FKTN: variants seen among roughly 807,000 people sequenced by gnomAD.
FKTN encodes the protein ribitol-5-phosphate transferase FKTN.
In FKTN, 47 loss-of-function variants were observed where a neutral mutation model predicts 58.6. That is an observed-to-expected ratio of 0.80 (90% CI 0.63 to 1.02). FKTN has a LOEUF of 1.02. Ranked by LOEUF, FKTN falls within the 50% of genes least tolerant of loss-of-function variation. The pLI is 0.00. For synonymous variants in FKTN, 178 were observed against 191.9 expected (o/e 0.93, Z 0.60); for missense variants, 516 against 537.3 (o/e 0.96, Z 0.39).
At chr9:105,558,475 G>A (rs1041862940) in intron 1 of FKTN, among the ~76,000 whole-genome samples, 3 of 152,100 alleles carry the variant, frequency 2.0e-5, no homozygotes, top group African/African-American at 7.2e-5. Context: ...GTAGTAGCCG[G>A]GTTAGGGTAG....
At chr9:105,601,408 A>G (rs1827853245) in intron 5 of FKTN, 60 bp downstream of exon 5, 1 of 1,203,466 alleles carries the variant, frequency 8.3e-7, no homozygotes, top group South Asian at 1.3e-5. Context: ...GTATAGGTTT[A>G]GGCTAGTTTA....
chr9:105,635,112 C>T lies in FKTN; in HGVS notation c.1234C>T (p.Pro412Ser). Residue 412 changes from proline to serine, a missense_variant, in exon 11 of 11, where the codon CCC becomes TCC. Coordinates refer to ENST00000357998, the MANE Select transcript of FKTN (RefSeq NM_001079802.2). ...TEFVDMKVHVPCETLEYIEAN... is the reference protein window; with the variant it reads ...TEFVDMKVHVSCETLEYIEAN... ...GTTTGTAGACATGAAGGTCCATGTA[C>T]CCTGTGAAACCCTCGAATACATTGA... is the stretch of plus-strand genomic sequence containing the variant. 2 of 1,614,018 alleles carry T rather than the reference C, an allele frequency of 1.2e-6. No homozygotes were observed. The highest frequency in any genetic ancestry group is 1.6e-4 in the Middle Eastern group (1 of 6,062).
At chr9:105,623,279 C>T (rs1289566196) in intron 10 of FKTN, 2 of 152,036 alleles carry the variant, frequency 1.3e-5, no homozygotes, top group Non-Finnish European at 2.9e-5. Flanking sequence ...ATATGCCAAG[C>T]TTTTATATGT....
At chr9:105,609,010 C>A (rs1829416903) in intron 7 of FKTN, among the ~76,000 whole-genome samples, 1 of 152,180 alleles carries the variant, frequency 6.6e-6, no homozygotes, top group African/African-American at 2.4e-5. Context: ...TCTATTATAG[C>A]AATTATCACA....
intron 3 of FKTN, among the ~76,000 whole-genome samples, chr9:105,590,957 A>T (rs890756949): frequency 2.6e-5 from 4 of 152,094 alleles, no homozygotes; most frequent in Admixed American, 2.0e-4. Context: ...GCAGGAGGAA[A>T]AGAGAGAGTG....
At chr9:105,598,740 G>A (rs1324943735) in intron 4 of FKTN, 1 of 151,994 alleles carries the variant, frequency 6.6e-6, no homozygotes, top group African/African-American at 2.4e-5. Context: ...GACCTAATCT[G>A]TATTTATATT....
chr9:105,570,189 A>C (rs1242495409), intron 1 of FKTN, among the ~76,000 whole-genome samples: 1 of 152,096 alleles, frequency 6.6e-6, no homozygotes, highest in Non-Finnish European at 1.5e-5. Context: ...AAGTTCCTGC[A>C]GAACAGAAAA....
chr9:105,601,119 A>G, intron 4 of FKTN, 26 bp from the exon 5 acceptor site: 2 of 1,319,364 alleles, frequency 1.5e-6, no homozygotes, highest in Non-Finnish European at 2.2e-6. Context: ...TACTGGAATT[A>G]CGAGAATTCT....
chr9:105,558,188 CG>C (rs1342234671), intron 1 of FKTN, 23 bp downstream of exon 1: 3 of 152,190 alleles, frequency 2.0e-5, no homozygotes, highest in Admixed American at 2.0e-4. Flanking sequence ...AGGCTCAGGT[CG>C]GTACCCGGGG....
chr9:105,579,136 T>G (rs1395981127), intron 3 of FKTN, among the ~76,000 whole-genome samples: 2 of 152,184 alleles, frequency 1.3e-5, no homozygotes, highest in African/African-American at 4.8e-5. Context: ...TCATTGATTT[T>G]TTGAATGGTT....
rs1177527892 is a variant in FKTN, at chr9:105,607,801, C to A, written c.648-18C>A. 3 of 1,594,162 alleles carry A rather than the reference C, an allele frequency of 1.9e-6. No homozygotes were observed. The highest frequency in any genetic ancestry group is 2.6e-6 in the Non-Finnish European group (3 of 1,163,406). On this transcript the variant is annotated intron_variant, in intron 6 of 10. Coordinates refer to ENST00000357998, the MANE Select transcript of FKTN (RefSeq NM_001079802.2). ...TTTCCCCCACCCCTCATTAATAAATCTTAACTTTTGTTTTCAGGCCAGAGT... is the reference window on the plus strand; with the variant it reads ...TTTCCCCCACCCCTCATTAATAAATATTAACTTTTGTTTTCAGGCCAGAGT...
chr9:105,615,449 G>C, intron 8 of FKTN, 42 bp downstream of exon 8: 1 of 1,605,466 alleles, frequency 6.2e-7, no homozygotes, highest in Non-Finnish European at 8.5e-7. Context: ...CTGTCATTTT[G>C]TCCTCTGGCT....
rs1564292771 is a variant in FKTN, at chr9:105,604,459, TAC to T, written c.616_617del (p.Gln206ValfsTer9). 1 of 1,614,168 alleles carries T rather than the reference TAC, an allele frequency of 6.2e-7. No individual in the cohort carries two copies. On this transcript the variant is annotated frameshift_variant, in exon 6 of 11. Transcript: ENST00000357998. LOFTEE classifies it high-confidence loss of function. Reference sequence around the variant, plus strand: ...AGGAAATTTGTTCCCTTCCGAAAGTTACAGTTTGGTCGTTATCCAGGAGCTTT... The same window carrying T: ...AGGAAATTTGTTCCCTTCCGAAAGTTAGTTTGGTCGTTATCCAGGAGCTTT...
At chr9:105,569,454 CAT>C (rs1376044729) in intron 1 of FKTN, among the ~76,000 whole-genome samples, 21 of 152,172 alleles carry the variant, frequency 1.4e-4, no homozygotes, top group Middle Eastern at 6.8e-3. Flanking sequence ...CATCTTGACA[CAT>C]AGTAAATTTG....
intron 7 of FKTN, among the ~76,000 whole-genome samples, chr9:105,610,895 A>G (rs568526666): frequency 7.9e-5 from 12 of 152,070 alleles, no homozygotes; most frequent in African/African-American, 2.4e-4. Flanking sequence ...TCAATCTACC[A>G]TGAAGTTCAA....
At chr9:105,577,649 C>T (rs1421281703) in intron 3 of FKTN, among the ~76,000 whole-genome samples, 22 of 150,536 alleles carry the variant, frequency 1.5e-4, no homozygotes, top group East Asian at 1.2e-3. Flanking sequence ...CTTGGCGATG[C>T]GGGCTCTTTT....
At chr9:105,583,536 G>A (rs2132281056) in intron 3 of FKTN, among the ~76,000 whole-genome samples, 1 of 152,152 alleles carries the variant, frequency 6.6e-6, no homozygotes, top group South Asian at 2.1e-4. Context: ...CTTCTTATTT[G>A]TGTCTTTCAT....
At chr9:105,570,695 T>A (rs1423271004) in intron 1 of FKTN, among the ~76,000 whole-genome samples, 1 of 149,992 alleles carries the variant, frequency 6.7e-6, no homozygotes, top group Non-Finnish European at 1.5e-5. Context: ...GTGCTTAGCA[T>A]TTTTTTTTGG....
Position 105,636,205 on chromosome 9 carries a change from TA to T in FKTN, c.*943del. On this transcript the variant is annotated 3_prime_UTR_variant, in exon 11 of 11. Coordinates refer to ENST00000357998, the MANE Select transcript of FKTN (RefSeq NM_001079802.2). The stretch of plus-strand genomic sequence containing the variant: ...CCCAATTTTAATGACACTAAAATAT[TA>T]ATAGAATTTTTTAAATATACTCTAA... 1.1e-6 allele frequency: 1 copy of T among 870,356 alleles called. No individual in the cohort carries two copies. The highest frequency in any genetic ancestry group is 1.4e-6 in the Non-Finnish European group (1 of 725,196). 53.9% of individuals were successfully genotyped at this position (870,356 alleles called of 1,614,324 possible). A position where few individuals can be genotyped will look rare whatever the true frequency, so the allele number is the denominator to read the frequency against.
Sources: gnomAD v4.1 joint callset for allele counts (sites outside exome capture counted in the v4.1 genomes callset) on GRCh38, gnomAD v4.1.1 for gene constraint, MANE v1.5 for transcripts, NCBI Gene and HGNC (gene_info 2026-07-23, HGNC 2026-07-21) for gene names.